EMC3: variants seen among roughly 807,000 people sequenced by gnomAD.
The protein encoded by EMC3 is ER membrane protein complex subunit 3, also known as 30 kDa protein.
In EMC3, 13 loss-of-function variants were observed where a neutral mutation model predicts 36.6. That is an observed-to-expected ratio of 0.35 (90% CI 0.23 to 0.56). The LOEUF is 0.56. EMC3 is among the 20% of genes least tolerant of loss of function. The pLI is 0.84. For missense variants in EMC3, 220 were observed against 324.5 expected (o/e 0.68, Z 2.47); for synonymous variants, 120 against 111.9 (o/e 1.07, Z -0.46).
chr3:9,964,001 G>A lies in EMC3; in HGVS notation c.*68C>T. ...CTCCTTTTTATTTCAAGAGGTGCCA[G>A]CTCCAAACAAAGTTACAAGGTTAAG... On this transcript the variant is annotated 3_prime_UTR_variant, in exon 8 of 8. Transcript: ENST00000245046. 1 of 1,587,744 alleles carries A rather than the reference G, an allele frequency of 6.3e-7. No individual in the cohort carries two copies. The highest frequency in any genetic ancestry group is 8.6e-7 in the Non-Finnish European group (1 of 1,166,300).
intron 1 of EMC3, among the ~76,000 whole-genome samples, chr3:9,983,373 C>A (rs1199949800): frequency 6.6e-6 from 1 of 152,052 alleles, no homozygotes; most frequent in Admixed American, 6.6e-5. Flanking sequence ...GTCTTGAACC[C>A]CTGACTTTAA....
At chr3:9,999,464 C>G (rs1369554039) in intron 1 of EMC3, among the ~76,000 whole-genome samples, 1 of 152,084 alleles carries the variant, frequency 6.6e-6, no homozygotes, top group East Asian at 1.9e-4. Flanking sequence ...TGGTCTTGAT[C>G]TCTTGACCTC....
intron 7 of EMC3, among the ~76,000 whole-genome samples, chr3:9,967,046 T>C (rs1388555425): frequency 1.3e-5 from 2 of 152,162 alleles, no homozygotes; most frequent in African/African-American, 2.4e-5. Context: ...CAGTAAGCAA[T>C]TACTCCCCAC....
In EMC3 at chr3:9,997,676, T is replaced by C. The variant is rs1476761615; in HGVS notation, c.-241-10774A>G. Among the ~76,000 whole-genome samples, 3 of 152,002 alleles carry C rather than the reference T, an allele frequency of 2.0e-5. No individual in the cohort carries two copies. In the East Asian group the frequency reaches 5.9e-4, roughly 30 times the overall value. ...GGTTTCATCATGTTGGCCAGGCTGG[T>C]CTCAAACGGCTGACCTCAGGTAATC... On this transcript the variant is annotated intron_variant, in intron 1 of 8. Transcript: ENST00000470827.
chr3:9,983,277 A>G lies in EMC3; in HGVS notation c.155+3230T>C, dbSNP rs2085931534. On this transcript the variant is annotated intron_variant, in intron 1 of 7. Coordinates refer to ENST00000245046, the MANE Select transcript of EMC3 (RefSeq NM_001394674.1). ...ATTCTCCTGCCTCAGGCTCCCTAGT[A>G]GCTGGGATTACAGGCACATGCCACC... Among the ~76,000 whole-genome samples, 3 of 151,602 alleles carry G rather than the reference A, an allele frequency of 2.0e-5. No homozygotes were observed. The South Asian group carries it at 6.2e-4, about 31-fold the overall frequency.
chr3:9,989,750 T>C (rs1471279379), upstream of EMC3, among the ~76,000 whole-genome samples: 3 of 152,118 alleles, frequency 2.0e-5, no homozygotes, highest in African/African-American at 4.8e-5. Flanking sequence ...TTTTTACGTA[T>C]TTGTAATCAT....
chr3:10,011,030 C>T (rs560929969), exon 1 of EMC3: 31 of 152,666 alleles, frequency 2.0e-4, no homozygotes, highest in African/African-American at 7.2e-4. Context: ...CACCTGAGGC[C>T]TCTGGAGGCG....
chr3:9,984,713 C>T (rs754905454), intron 1 of EMC3, among the ~76,000 whole-genome samples: 2 of 152,102 alleles, frequency 1.3e-5, no homozygotes, highest in African/African-American at 2.4e-5. Flanking sequence ...TCTTAAGGTT[C>T]GCTCCAGGGT....
chr3:9,982,408 C>A (rs1433657745), intron 1 of EMC3, among the ~76,000 whole-genome samples: 4 of 152,058 alleles, frequency 2.6e-5, no homozygotes, highest in African/African-American at 7.2e-5. Context: ...CGCGTCCCAC[C>A]ATGCTCGGGT....
chr3:9,972,340 T>A (rs1453676397), intron 5 of EMC3, among the ~76,000 whole-genome samples: 2 of 151,718 alleles, frequency 1.3e-5, no homozygotes, highest in African/African-American at 4.8e-5. Flanking sequence ...GGTTGATACA[T>A]CCACCCCTGC....
intron 3 of EMC3, among the ~76,000 whole-genome samples, chr3:9,974,866 T>G (rs1364874623): frequency 7.5e-6 from 1 of 133,610 alleles, no homozygotes; most frequent in Non-Finnish European, 1.6e-5. Flanking sequence ...CGTTTTTTTT[T>G]TTTTTTTTTT....
rs7645137 is a variant in EMC3 at position 9,978,865 on chromosome 3, A to T, written c.156-1419T>A. Among the ~76,000 whole-genome samples the T allele has an allele frequency of 3.4e-3, 516 of 151,870 alleles. 9 individuals carry two copies. Among genetic ancestry groups the T allele is most frequent in the South Asian group, 0.03 (143 of 4,824 alleles). ...CAAAAAACAAACAAACAAACAAAAA[A>T]ACTGTGCTTGGCTTCCTGTCTCTAC... On this transcript the variant is annotated intron_variant, in intron 1 of 7. Transcript: ENST00000245046.
chr3:9,989,709 A>T (rs2086023066), upstream of EMC3, among the ~76,000 whole-genome samples: 1 of 152,222 alleles, frequency 6.6e-6, no homozygotes, highest in Non-Finnish European at 1.5e-5. Flanking sequence ...AGATAAACAC[A>T]AATTTAACAC....
intron 3 of EMC3, among the ~76,000 whole-genome samples, chr3:9,976,354 C>G (rs1299969749): frequency 6.6e-6 from 1 of 152,150 alleles, no homozygotes; most frequent in African/African-American, 2.4e-5. Context: ...ATCAATCCAC[C>G]TGACTCAGCC....
chr3:9,965,897 T>C (rs1318772354), intron 7 of EMC3, among the ~76,000 whole-genome samples: 1 of 152,240 alleles, frequency 6.6e-6, no homozygotes, highest in Non-Finnish European at 1.5e-5. Flanking sequence ...AAATATTCCA[T>C]TGTTTATTCA....
chr3:9,984,080 CTT>C (rs767592107), intron 1 of EMC3, among the ~76,000 whole-genome samples: 16 of 143,614 alleles, frequency 1.1e-4, no homozygotes, highest in East Asian at 2.0e-4. Flanking sequence ...GGTAAATACA[CTT>C]TTTTTTTTTT....
chr3:9,991,091 G>A (rs2086046196), upstream of EMC3, among the ~76,000 whole-genome samples: 1 of 152,106 alleles, frequency 6.6e-6, no homozygotes, highest in Admixed American at 6.5e-5. Context: ...GCCTCCCAAA[G>A]TGCTGGGATT....
At chr3:9,994,709 T>C (rs2086101928) in intron 1 of EMC3, among the ~76,000 whole-genome samples, 1 of 152,160 alleles carries the variant, frequency 6.6e-6, no homozygotes, top group Admixed American at 6.5e-5. Flanking sequence ...TGGCTGGGAT[T>C]ACAGGCGCGT....
chr3:9,970,624 CA>C lies in EMC3; in HGVS notation c.531del (p.Phe177LeufsTer9). ...ATCAGAGAGTAAATGCTCCGAAGCC[CA>C]AATACATTGAGGAAGTACCAGGATG... is the stretch of plus-strand genomic sequence containing the variant. The part of the protein sequence containing the change: ...SSASWYFLNV[F>X]GLRSIYSLIL... On this transcript the variant is annotated frameshift_variant, in exon 6 of 8. Transcript: ENST00000245046. LOFTEE classifies it high-confidence loss of function. 6.2e-7 allele frequency: 1 copy of C among 1,614,124 alleles called. No individual in the cohort carries two copies. Among genetic ancestry groups the C allele is most frequent in the Non-Finnish European group, 8.5e-7 (1 of 1,180,024 alleles).
Sources: allele counts gnomAD v4.1 joint callset (sites outside exome capture counted in the v4.1 genomes callset), GRCh38; gene constraint gnomAD v4.1.1; transcripts MANE v1.5; gene names NCBI Gene and HGNC (gene_info 2026-07-23, HGNC 2026-07-21).